The following ADAMTS6 variants were observed in gnomAD, a reference collection of about 807,000 sequenced individuals.
ADAMTS6 encodes the protein A disintegrin and metalloproteinase with thrombospondin motifs 6.
In ADAMTS6, 23 loss-of-function variants were observed where a neutral mutation model predicts 144.3. The observed-to-expected ratio is 0.16, with a 90% confidence interval of 0.11 to 0.23. The LOEUF (loss-of-function observed/expected upper bound fraction) is 0.23, where lower values mean the gene tolerates loss of function less well. Among genes scored for constraint, ADAMTS6 ranks in the 10% least tolerant of loss-of-function variants. The pLI is 1.00. For synonymous variants in ADAMTS6, 444 were observed against 457.5 expected, an observed-to-expected ratio of 0.97 and a Z score of 0.38; for missense variants, 999 against 1,379.6, an observed-to-expected ratio of 0.72 and a Z score of 4.37.
intron 14 of ADAMTS6, among the ~76,000 whole-genome samples, chr5:65,250,505 T>C (rs1760062476): frequency 6.6e-6 from 1 of 152,218 alleles, no homozygotes; most frequent in Non-Finnish European, 1.5e-5. Flanking sequence ...CAGAGCTGAC[T>C]GAGAACACAC....
chr5:65,296,005 A>G (rs1467638375), intron 10 of ADAMTS6, among the ~76,000 whole-genome samples: 1 of 152,142 alleles, frequency 6.6e-6, no homozygotes, highest in Non-Finnish European at 1.5e-5. Context: ...CTTTGTTTCC[A>G]GAACACATTA....
intron 24 of ADAMTS6, among the ~76,000 whole-genome samples, chr5:65,159,818 T>G (rs1308324557): frequency 1.3e-5 from 2 of 152,250 alleles, no homozygotes; most frequent in Non-Finnish European, 2.9e-5. Flanking sequence ...TAGGATGTTA[T>G]TTAAAAAATC....
At chr5:65,397,375 C>G (rs139021966) in intron 7 of ADAMTS6, among the ~76,000 whole-genome samples, 1 of 152,054 alleles carries the variant, frequency 6.6e-6, no homozygotes, top group East Asian at 1.9e-4. Flanking sequence ...AATTAGCCCT[C>G]CTTTATCTAG....
chr5:65,464,499 T>A (rs1759854279), intron 3 of ADAMTS6, among the ~76,000 whole-genome samples: 1 of 152,214 alleles, frequency 6.6e-6, no homozygotes, highest in African/African-American at 2.4e-5. Flanking sequence ...ACATATTGGT[T>A]TGTTACCTAT....
intron 14 of ADAMTS6, among the ~76,000 whole-genome samples, chr5:65,255,452 T>C (rs900248599): frequency 6.6e-6 from 1 of 152,116 alleles, no homozygotes; most frequent in African/African-American, 2.4e-5. Flanking sequence ...ATCATTCTTA[T>C]GCCTTTGCAT....
chr5:65,226,575 AT>A (rs1757743029), intron 15 of ADAMTS6, among the ~76,000 whole-genome samples: 1 of 152,100 alleles, frequency 6.6e-6, no homozygotes, highest in African/African-American at 2.4e-5. Flanking sequence ...TTTTAAAAAA[AT>A]AAATGAAAGA....
intron 8 of ADAMTS6, 112 bp from the exon 9 acceptor site, chr5:65,329,595 C>G: frequency 1.2e-6 from 1 of 849,562 alleles, no homozygotes; most frequent in Admixed American, 3.5e-5. Context: ...ACAGAAGGAG[C>G]CGTTGGCAAA....
intron 7 of ADAMTS6, among the ~76,000 whole-genome samples, chr5:65,386,611 G>T (rs980383733): frequency 3.7e-4 from 56 of 152,114 alleles, no homozygotes; most frequent in African/African-American, 1.3e-3. Flanking sequence ...TTTTTGAGAT[G>T]GAGTCTCACT....
intron 7 of ADAMTS6, among the ~76,000 whole-genome samples, chr5:65,334,950 C>T (rs1001547113): frequency 1.3e-5 from 2 of 152,116 alleles, no homozygotes; most frequent in African/African-American, 4.8e-5. Context: ...TTATTTGCCT[C>T]TGTTTTATGC....
intron 7 of ADAMTS6, among the ~76,000 whole-genome samples, chr5:65,360,596 T>TA (rs546603342): frequency 2.8e-4 from 41 of 144,866 alleles, no homozygotes; most frequent in African/African-American, 4.0e-4. Flanking sequence ...TAATGAAGTG[T>TA]AAAAAAAAAA....
At chr5:65,376,594 G>C (rs1751574904) in intron 7 of ADAMTS6, among the ~76,000 whole-genome samples, 1 of 152,186 alleles carries the variant, frequency 6.6e-6, no homozygotes, top group Non-Finnish European at 1.5e-5. Flanking sequence ...AACTTTGGGA[G>C]GCCAAGGCAG....
intron 4 of ADAMTS6, among the ~76,000 whole-genome samples, chr5:65,453,762 A>G (rs1758949872): frequency 6.6e-6 from 1 of 152,170 alleles, no homozygotes; most frequent in Non-Finnish European, 1.5e-5. Flanking sequence ...CCACATCCTT[A>G]TATTGAACAG....
chr5:65,444,127 C>G (rs550961482), intron 7 of ADAMTS6, among the ~76,000 whole-genome samples: 1 of 152,320 alleles, frequency 6.6e-6, no homozygotes, highest in African/African-American at 2.4e-5. Flanking sequence ...CTCAGTGGCT[C>G]ATGCCTGTAA....
At chr5:65,169,257 T>G (rs1370314109) in intron 24 of ADAMTS6, among the ~76,000 whole-genome samples, 1 of 62,412 alleles carries the variant, frequency 1.6e-5, no homozygotes, top group African/African-American at 9.3e-5. Context: ...AAAGAAGACA[T>G]TTATGCAGCC....
intron 10 of ADAMTS6, chr5:65,297,120 C>T (rs1003944892): frequency 1.2e-5 from 5 of 434,772 alleles, no homozygotes; most frequent in East Asian, 7.1e-5. Context: ...GCAAAGCCGT[C>T]GCCGGAAAAC....
intron 7 of ADAMTS6, among the ~76,000 whole-genome samples, chr5:65,357,105 T>C (rs778162851): frequency 2.6e-5 from 4 of 151,686 alleles, no homozygotes; most frequent in African/African-American, 7.3e-5. Flanking sequence ...AAAAACTGTG[T>C]AAAACTACTT....
intron 22 of ADAMTS6, among the ~76,000 whole-genome samples, chr5:65,176,133 G>C (rs987743801): frequency 1.3e-5 from 2 of 151,348 alleles, no homozygotes; most frequent in African/African-American, 4.9e-5. Flanking sequence ...AAAAGGGGGG[G>C]GCAGAATTTA....
intron 12 of ADAMTS6, among the ~76,000 whole-genome samples, chr5:65,266,625 T>C (rs1398616353): frequency 3.9e-5 from 6 of 151,944 alleles, no homozygotes; most frequent in Admixed American, 3.9e-4. Context: ...TTCTTCTCTT[T>C]TGTTTCCTTA....
At chr5:65,345,281 T>C (rs1374282710) in intron 7 of ADAMTS6, among the ~76,000 whole-genome samples, 1 of 151,280 alleles carries the variant, frequency 6.6e-6, no homozygotes, top group Admixed American at 6.6e-5. Context: ...ACGAAAACCC[T>C]AAAATGTGTA....
Sources: gnomAD v4.1 joint callset for allele counts (sites outside exome capture counted in the v4.1 genomes callset) on GRCh38, gnomAD v4.1.1 for gene constraint, MANE v1.5 for transcripts, NCBI Gene and HGNC (gene_info 2026-07-23, HGNC 2026-07-21) for gene names.